The following NBAS variants were observed in gnomAD, a reference collection of about 807,000 sequenced individuals.
NBAS encodes NBAS subunit of NRZ tethering complex.
NBAS carries 219 observed loss-of-function variants against 302.5 expected under a neutral mutation model. The observed-to-expected ratio is 0.72, with a 90% CI of 0.65 to 0.81. NBAS has a LOEUF of 0.81. Ranked by LOEUF, NBAS falls within the 30% of genes least tolerant of loss-of-function variation. The pLI, the probability that NBAS is intolerant of heterozygous loss-of-function variation, is 0.00. For missense variants in NBAS, 2,932 were observed against 2,841.6 expected (o/e 1.03, Z -0.72); for synonymous variants, 1,118 against 1,021.6 (o/e 1.09, Z -1.80).
chr2:15,548,773 C>A (rs1434225530), intron 6 of NBAS, among the ~76,000 whole-genome samples: 1 of 151,210 alleles, frequency 6.6e-6, no homozygotes, highest in Non-Finnish European at 1.5e-5. Context: ...GGAGGAGAGC[C>A]GATGCTTGAT....
the NBAS span, among the ~76,000 whole-genome samples, chr2:14,848,108 C>T: frequency 2.0e-5 from 3 of 152,132 alleles, no homozygotes; most frequent in Non-Finnish European, 4.4e-5. Flanking sequence ...CTCCAGTCTA[C>T]AGCTCCCAGC....
At chr2:15,264,769 C>T (rs1669000966) in intron 44 of NBAS, among the ~76,000 whole-genome samples, 1 of 152,124 alleles carries the variant, frequency 6.6e-6, no homozygotes, top group Admixed American at 6.6e-5. Context: ...GCTGGTGGGA[C>T]AATTCAGTCA....
the NBAS span, among the ~76,000 whole-genome samples, chr2:14,947,527 G>T: frequency 6.6e-6 from 1 of 151,970 alleles, no homozygotes; most frequent in Non-Finnish European, 1.5e-5. Flanking sequence ...GTTGTAACAG[G>T]TTTTTTGGTA....
the NBAS span, among the ~76,000 whole-genome samples, chr2:14,793,544 TAAG>T: frequency 6.6e-6 from 1 of 151,916 alleles, no homozygotes; most frequent in Non-Finnish European, 1.5e-5. Context: ...AAATTAATAA[TAAG>T]AAGAGTCTCA....
At chr2:14,968,727 C>T in the NBAS span, among the ~76,000 whole-genome samples, 1 of 152,276 alleles carries the variant, frequency 6.6e-6, no homozygotes, top group South Asian at 2.1e-4. Flanking sequence ...GAAATTGGAA[C>T]TCTCTTATAT....
the NBAS span, among the ~76,000 whole-genome samples, chr2:14,785,282 T>A: frequency 1.3e-5 from 2 of 152,180 alleles, no homozygotes; most frequent in Non-Finnish European, 2.9e-5. Flanking sequence ...CAATTTGACT[T>A]CCTCTTTTCC....
chr2:15,357,196 A>C (rs1390224212), intron 32 of NBAS, among the ~76,000 whole-genome samples: 5 of 152,210 alleles, frequency 3.3e-5, no homozygotes, highest in Non-Finnish European at 5.9e-5. Flanking sequence ...CATCTGCCCC[A>C]ACTGAGGTTC....
At chr2:15,202,089 A>G (rs1216543510) in intron 48 of NBAS, among the ~76,000 whole-genome samples, 2 of 152,220 alleles carry the variant, frequency 1.3e-5, no homozygotes, top group Non-Finnish European at 2.9e-5. Flanking sequence ...ATTGCCACAG[A>G]AAGTCTCTCC....
chr2:15,436,717 C>T (rs895999229), intron 21 of NBAS, among the ~76,000 whole-genome samples: 2 of 152,152 alleles, frequency 1.3e-5, no homozygotes, highest in African/African-American at 2.4e-5. Flanking sequence ...GCTTATCAGA[C>T]TTTCTTCCAT....
the NBAS span, among the ~76,000 whole-genome samples, chr2:15,034,258 AAGAAAGAAAGAAAGAAAGAG>A: frequency 1.2e-4 from 12 of 97,792 alleles, no homozygotes; most frequent in South Asian, 1.0e-3. Context: ...GAAAGAAAGA[AAGAAAGAAAGAAAGAAAGAG>A]AGAAAGAAAG....
intron 35 of NBAS, among the ~76,000 whole-genome samples, chr2:15,340,843 A>G (rs1449430607): frequency 2.0e-5 from 3 of 152,164 alleles, no homozygotes; most frequent in Admixed American, 6.6e-5. Flanking sequence ...TAGGTCAAAT[A>G]AAACAAAGAC....
chr2:15,309,175 G>A lies in NBAS; in HGVS notation c.4655C>T (p.Pro1552Leu). Residue 1552 changes from proline (P) to leucine (L), a missense_variant, in exon 39 of 52, where the codon CCA (proline) becomes CTA (leucine). Transcript: ENST00000281513. ...TLALAYLLALPQVLDANRCFE... is the reference protein window; with the variant it reads ...TLALAYLLALLQVLDANRCFE... ...CATTGGTAAGGGCAAACTTACTTGT[G>A]GTAAGGCAAGAAGGTAAGCAAGAGC... 1 of 1,612,042 alleles carries A rather than the reference G, an allele frequency of 6.2e-7. No individual in the cohort carries two copies.
At chr2:15,552,080 A>C (rs1193430703) in intron 5 of NBAS, among the ~76,000 whole-genome samples, 1 of 152,234 alleles carries the variant, frequency 6.6e-6, no homozygotes. Flanking sequence ...AAATATGTTT[A>C]AAAATGAAAA....
At chr2:15,554,012 T>C (rs747575041) in intron 4 of NBAS, 49 bp downstream of exon 4, 5 of 1,499,860 alleles carry the variant, frequency 3.3e-6, no homozygotes, top group Non-Finnish European at 2.8e-6. Context: ...CATAATGAAA[T>C]GTAAAAGCTA....
At chr2:14,818,369 G>T in the NBAS span, among the ~76,000 whole-genome samples, 1 of 152,068 alleles carries the variant, frequency 6.6e-6, no homozygotes, top group South Asian at 2.1e-4. Flanking sequence ...AATTTTATCT[G>T]CATCTACCAT....
At chr2:15,450,598 C>G (rs940988694) in intron 21 of NBAS, among the ~76,000 whole-genome samples, 1 of 152,106 alleles carries the variant, frequency 6.6e-6, no homozygotes, top group Non-Finnish European at 1.5e-5. Context: ...TGGACAGGTA[C>G]CACATCTGAT....
the NBAS span, among the ~76,000 whole-genome samples, chr2:14,996,930 T>C: frequency 2.0e-4 from 31 of 152,036 alleles, no homozygotes; most frequent in Non-Finnish European, 1.8e-4. Flanking sequence ...AAGATCCTTA[T>C]CCAAACAACA....
the NBAS span, among the ~76,000 whole-genome samples, chr2:14,941,847 C>T: frequency 3.8e-4 from 58 of 152,304 alleles, no homozygotes; most frequent in Middle Eastern, 0.01. Context: ...GCTTTCTTGA[C>T]TGACTTCAAT....
At chr2:15,128,711 G>A in the NBAS span, among the ~76,000 whole-genome samples, 1 of 152,160 alleles carries the variant, frequency 6.6e-6, no homozygotes. Context: ...GGGCGAATGG[G>A]AAATAAAGTT....
Sources: allele counts gnomAD v4.1 joint callset (sites outside exome capture counted in the v4.1 genomes callset), GRCh38; gene constraint gnomAD v4.1.1; transcripts MANE v1.5; gene names NCBI Gene and HGNC (gene_info 2026-07-23, HGNC 2026-07-21).